Variants in UNC5D observed in about 807,000 individuals in gnomAD.
The protein encoded by UNC5D is netrin receptor UNC5D.
UNC5D carries 39 observed loss-of-function variants against 105.4 expected under a neutral mutation model. The observed-to-expected ratio is 0.37, with a 90% CI of 0.29 to 0.48. UNC5D has a LOEUF of 0.48. Among genes scored for constraint, UNC5D ranks in the 20% least tolerant of loss-of-function variants. UNC5D has a pLI of 0.98. For synonymous variants in UNC5D, 452 were observed against 450.4 expected, an observed-to-expected ratio of 1.00 and a Z score of -0.04; for missense variants, 991 against 1,202.4, an observed-to-expected ratio of 0.82 and a Z score of 2.60.
intron 1 of UNC5D, among the ~76,000 whole-genome samples, chr8:35,496,908 A>C (rs1447977816): frequency 6.6e-6 from 1 of 152,134 alleles, no homozygotes; most frequent in Non-Finnish European, 1.5e-5. Context: ...CATGCAGCAT[A>C]ATGTTTGAGG....
chr8:35,403,121 C>A (rs1405295768), intron 1 of UNC5D, among the ~76,000 whole-genome samples: 1 of 152,170 alleles, frequency 6.6e-6, no homozygotes, highest in African/African-American at 2.4e-5. Context: ...CTAATCAGGC[C>A]AGGTCATCAC....
intron 4 of UNC5D, among the ~76,000 whole-genome samples, chr8:35,625,070 A>G (rs1440928043): frequency 6.6e-6 from 1 of 152,178 alleles, no homozygotes; most frequent in Non-Finnish European, 1.5e-5. Flanking sequence ...GTAGTCTTTT[A>G]TCTGTTTTCT....
chr8:35,738,252 G>T (rs896253694), intron 11 of UNC5D, among the ~76,000 whole-genome samples: 1 of 152,130 alleles, frequency 6.6e-6, no homozygotes, highest in Non-Finnish European at 1.5e-5. Context: ...TCTTTCTCTA[G>T]GCCTCAGTTT....
At chr8:35,729,633 T>C (rs117648002) in intron 10 of UNC5D, among the ~76,000 whole-genome samples, 4,794 of 152,304 alleles carry the variant, frequency 0.031, 101 homozygotes, top group Non-Finnish European at 0.046. Flanking sequence ...ATGTCCTGTG[T>C]CTTGCAACTT....
intron 7 of UNC5D, among the ~76,000 whole-genome samples, chr8:35,688,163 A>G (rs1465637923): frequency 8.5e-6 from 1 of 118,058 alleles, no homozygotes; most frequent in East Asian, 2.4e-4. Flanking sequence ...AACAACAACA[A>G]AAAAAAACAC....
intron 1 of UNC5D, among the ~76,000 whole-genome samples, chr8:35,317,053 T>C (rs1465604819): frequency 6.6e-6 from 1 of 152,170 alleles, no homozygotes; most frequent in Non-Finnish European, 1.5e-5. Context: ...AGCAGATATT[T>C]CAATTTCTCC....
intron 1 of UNC5D, among the ~76,000 whole-genome samples, chr8:35,439,573 A>G (rs1400950603): frequency 6.6e-6 from 1 of 152,040 alleles, no homozygotes; most frequent in African/African-American, 2.4e-5. Context: ...AGTCTCTTGA[A>G]GCTATGGAAA....
chr8:35,427,026 G>T (rs991557902), intron 1 of UNC5D, among the ~76,000 whole-genome samples: 4 of 152,108 alleles, frequency 2.6e-5, no homozygotes, highest in South Asian at 2.1e-4. Context: ...CAATCACTTG[G>T]CTCTACTAAA....
chr8:35,403,175 A>G (rs1585760966), intron 1 of UNC5D, among the ~76,000 whole-genome samples: 1 of 152,236 alleles, frequency 6.6e-6, no homozygotes, highest in Non-Finnish European at 1.5e-5. Context: ...AGCTATTTGT[A>G]ATGTTCTTAC....
At chr8:35,486,615 GC>G (rs1475831167) in intron 1 of UNC5D, among the ~76,000 whole-genome samples, 3 of 152,092 alleles carry the variant, frequency 2.0e-5, no homozygotes, top group African/African-American at 7.2e-5. Context: ...GCCTGTGCTA[GC>G]CAGACTGTCT....
chr8:35,288,667 G>C (rs886567642), intron 1 of UNC5D, among the ~76,000 whole-genome samples: 3 of 152,122 alleles, frequency 2.0e-5, no homozygotes, highest in Admixed American at 6.5e-5. Context: ...AAATTGTTGA[G>C]ATAGAAATTA....
intron 15 of UNC5D, among the ~76,000 whole-genome samples, chr8:35,773,071 T>C (rs1802081723): frequency 6.6e-6 from 1 of 152,206 alleles, no homozygotes; most frequent in Admixed American, 6.5e-5. Flanking sequence ...AGAAAAAATC[T>C]CTTAATTGAG....
At chr8:35,243,921 C>G (rs192448618) in intron 1 of UNC5D, among the ~76,000 whole-genome samples, 37 of 152,218 alleles carry the variant, frequency 2.4e-4, no homozygotes, top group African/African-American at 8.2e-4. Context: ...TGTGATAAAA[C>G]CCTTAGGAAA....
chr8:35,457,045 A>G (rs945632042), intron 1 of UNC5D, among the ~76,000 whole-genome samples: 1 of 152,092 alleles, frequency 6.6e-6, no homozygotes, highest in Non-Finnish European at 1.5e-5. Context: ...CAAGTTTCTT[A>G]TTGCCTCCAA....
At chr8:35,251,321 A>G (rs1563250711) in intron 1 of UNC5D, among the ~76,000 whole-genome samples, 1 of 152,170 alleles carries the variant, frequency 6.6e-6, no homozygotes, top group Non-Finnish European at 1.5e-5. Context: ...GCTGAGCAAA[A>G]GGGGGAAAAG....
At chr8:35,322,846 C>T (rs538239760) in intron 1 of UNC5D, among the ~76,000 whole-genome samples, 14 of 152,204 alleles carry the variant, frequency 9.2e-5, no homozygotes, top group South Asian at 4.1e-4. Context: ...TACTACTCTC[C>T]GAAGAGGTTG....
At chr8:35,538,003 A>T (rs1320249471) in intron 1 of UNC5D, among the ~76,000 whole-genome samples, 1 of 152,164 alleles carries the variant, frequency 6.6e-6, no homozygotes, top group Admixed American at 6.6e-5. Flanking sequence ...GATATACATG[A>T]TATCCATGAA....
intron 8 of UNC5D, among the ~76,000 whole-genome samples, chr8:35,713,984 A>T (rs1828110453): frequency 6.6e-6 from 1 of 152,242 alleles, no homozygotes; most frequent in Non-Finnish European, 1.5e-5. Context: ...GAGTCATGAA[A>T]GGTGTCAGGG....
intron 1 of UNC5D, among the ~76,000 whole-genome samples, chr8:35,275,676 C>T (rs1320472497): frequency 1.3e-5 from 2 of 152,122 alleles, no homozygotes; most frequent in Non-Finnish European, 2.9e-5. Context: ...CATTTACTCT[C>T]TGTGTGACCT....
Sources: allele counts gnomAD v4.1 joint callset (sites outside exome capture counted in the v4.1 genomes callset), GRCh38; gene constraint gnomAD v4.1.1; transcripts MANE v1.5; gene names NCBI Gene and HGNC (gene_info 2026-07-23, HGNC 2026-07-21).